The following ATP11C variants were observed in gnomAD, a reference collection of about 807,000 sequenced individuals.
ATP11C encodes phospholipid-transporting ATPase IG.
ATP11C carries 36 observed loss-of-function variants against 97.4 expected under a neutral mutation model. The ratio of observed to expected loss-of-function variants is 0.37; its 90% CI spans 0.28 to 0.49. The LOEUF (loss-of-function observed/expected upper bound fraction) is 0.49, where lower values mean the gene tolerates loss of function less well. Ranked by LOEUF, ATP11C falls within the 20% of genes least tolerant of loss-of-function variation. The pLI, the probability that ATP11C is intolerant of heterozygous loss-of-function variation, is 0.98. For missense variants in ATP11C, 730 were observed against 824.6 expected (o/e 0.89, Z 1.40); for synonymous variants, 275 against 290.9 (o/e 0.95, Z 0.56).
chrX:139,889,075 T>A (rs950804715), intron 1 of ATP11C, among the ~76,000 whole-genome samples: 1 of 111,998 alleles, frequency 8.9e-6, no homozygotes, highest in Non-Finnish European at 1.9e-5. Flanking sequence ...CCCAAAGTGC[T>A]AGGATTACAG....
At chrX:139,827,698 A>T (rs903326224) in intron 1 of ATP11C, among the ~76,000 whole-genome samples, 2 of 111,581 alleles carry the variant, frequency 1.8e-5, no homozygotes, top group African/African-American at 6.5e-5. Context: ...ATATATTCCC[A>T]TTATTTTTTA....
intron 1 of ATP11C, among the ~76,000 whole-genome samples, chrX:139,842,675 G>A (rs772523906): frequency 8.9e-6 from 1 of 112,329 alleles, no homozygotes; most frequent in South Asian, 3.7e-4. Context: ...CTGGGGCTGC[G>A]TAGAGTTTGT....
chrX:139,752,394 AAT>A (rs2081839499), intron 23 of ATP11C, among the ~76,000 whole-genome samples: 1 of 111,844 alleles, frequency 8.9e-6, no homozygotes, highest in African/African-American at 3.3e-5. Context: ...GCAATCAAGA[AAT>A]AGTTGCCAAA....
chrX:139,864,677 C>T (rs1458566021), intron 1 of ATP11C, among the ~76,000 whole-genome samples: 2 of 112,261 alleles, frequency 1.8e-5, no homozygotes, highest in Non-Finnish European at 3.8e-5. Context: ...ATCACCCACG[C>T]TCCCATTTTC....
intron 1 of ATP11C, among the ~76,000 whole-genome samples, chrX:139,842,964 T>C (rs1179048003): frequency 8.9e-6 from 1 of 112,040 alleles, no homozygotes; most frequent in Non-Finnish European, 1.9e-5. Context: ...CAAATTCAAC[T>C]CCCACCTCAT....
intron 25 of ATP11C, among the ~76,000 whole-genome samples, chrX:139,744,950 A>G (rs1232096930): frequency 8.9e-6 from 1 of 112,030 alleles, no homozygotes; most frequent in Non-Finnish European, 1.9e-5. Flanking sequence ...CAGGTTCCAG[A>G]CATAGTATCC....
intron 24 of ATP11C, among the ~76,000 whole-genome samples, chrX:139,746,750 A>G (rs985833412): frequency 9.0e-6 from 1 of 111,715 alleles, no homozygotes; most frequent in African/African-American, 3.3e-5. Flanking sequence ...AGAACGCTAA[A>G]TAAGGCTACC....
chrX:139,731,148 T>C (rs1472955086), intron 29 of ATP11C, among the ~76,000 whole-genome samples: 1 of 111,592 alleles, frequency 9.0e-6, no homozygotes, highest in Non-Finnish European at 1.9e-5. Context: ...AGGACATAAG[T>C]GTATACAGTA....
intron 2 of ATP11C, 37 bp from the exon 3 acceptor site, chrX:139,819,464 G>T: frequency 1.5e-6 from 1 of 687,621 alleles, no homozygotes; most frequent in Non-Finnish European, 2.1e-6. Context: ...CTGTTATGAA[G>T]AAAACTTGAA....
chrX:139,740,088 G>C (rs917790696), intron 27 of ATP11C, among the ~76,000 whole-genome samples: 4 of 111,137 alleles, frequency 3.6e-5, no homozygotes, highest in Non-Finnish European at 7.6e-5. Flanking sequence ...TGATAAAATA[G>C]AATCATTTTG....
intron 1 of ATP11C, among the ~76,000 whole-genome samples, chrX:139,921,321 G>A (rs1249906951): frequency 1.8e-5 from 2 of 110,962 alleles, no homozygotes; most frequent in East Asian, 5.7e-4. Context: ...CCATGTTCTC[G>A]TGATAGTGAG....
At position 139,915,643 on chromosome X, in the gene ATP11C, AG is replaced by A. The variant is rs764704344; in HGVS notation, c.27+16372del. Among the ~76,000 whole-genome samples the A allele has an allele frequency of 2.0e-3, 219 of 110,916 alleles. 1 individual carries two copies. The highest frequency in any genetic ancestry group is 6.8e-3 in the African/African-American group (208 of 30,463). On this transcript the variant is annotated intron_variant, in intron 1 of 29. Coordinates refer to ENST00000682941, the MANE Select transcript of ATP11C (RefSeq NM_001353812.2). ...CACTCCACTCCAGCCTGGGTGACAG[AG>A]CAAGACTCTATCTCAAAAAAAGAAA...
upstream of ATP11C, among the ~76,000 whole-genome samples, chrX:139,933,647 A>T (rs1411116431): frequency 1.8e-5 from 2 of 112,072 alleles, no homozygotes; most frequent in African/African-American, 6.5e-5. Context: ...CTCTTACACG[A>T]GTCTTCCGCC....
chrX:139,843,605 G>A (rs2083866287), intron 1 of ATP11C, among the ~76,000 whole-genome samples: 1 of 111,431 alleles, frequency 9.0e-6, no homozygotes, highest in African/African-American at 3.3e-5. Context: ...CAAAGAGCCT[G>A]TACAAGGGAT....
intron 1 of ATP11C, among the ~76,000 whole-genome samples, chrX:139,874,758 C>T (rs2084440218): frequency 8.9e-6 from 1 of 112,008 alleles, no homozygotes; most frequent in African/African-American, 3.2e-5. Flanking sequence ...AGGCTTAGAA[C>T]GCCCAGCCAT....
chrX:139,840,655 A>G (rs1209672603), intron 1 of ATP11C, among the ~76,000 whole-genome samples: 1 of 112,162 alleles, frequency 8.9e-6, no homozygotes, highest in Non-Finnish European at 1.9e-5. Flanking sequence ...AGGGCCTATC[A>G]TCTGGCACTA....
intron 5 of ATP11C, among the ~76,000 whole-genome samples, chrX:139,808,221 T>TA (rs1355009283): frequency 9.0e-6 from 1 of 110,922 alleles, no homozygotes; most frequent in East Asian, 2.8e-4. Flanking sequence ...GGAGTGTACT[T>TA]AAAAAAACAA....
chrX:139,922,530 AC>A (rs1191189133), intron 1 of ATP11C, among the ~76,000 whole-genome samples: 1 of 108,315 alleles, frequency 9.2e-6, no homozygotes, highest in Non-Finnish European at 1.9e-5. Context: ...AGGTGACAGT[AC>A]TAGGAGGTGA....
At chrX:139,879,830 G>A (rs934121219) in intron 1 of ATP11C, among the ~76,000 whole-genome samples, 1 of 111,793 alleles carries the variant, frequency 8.9e-6, no homozygotes, top group African/African-American at 3.3e-5. Flanking sequence ...ACTGTCTATA[G>A]ATAAAGAAAT....
Sources: allele counts gnomAD v4.1 joint callset (sites outside exome capture counted in the v4.1 genomes callset), GRCh38; gene constraint gnomAD v4.1.1; transcripts MANE v1.5; gene names NCBI Gene and HGNC (gene_info 2026-07-23, HGNC 2026-07-21).